Variants in SLC47A1 observed in about 807,000 individuals in gnomAD.
SLC47A1 encodes the protein solute carrier family 47 member 1.
In SLC47A1, 58 loss-of-function variants were observed where a neutral mutation model predicts 65.8. The ratio of observed to expected loss-of-function variants is 0.88; its 90% confidence interval spans 0.71 to 1.10. The LOEUF is 1.10. SLC47A1 is among the 50% of genes least tolerant of loss of function. The pLI is 0.00. For synonymous variants in SLC47A1, 285 were observed against 295.0 expected (o/e 0.97, Z 0.35); for missense variants, 706 against 719.2 (o/e 0.98, Z 0.21).
chr17:19,575,170 A>G (rs1273323674), intron 16 of SLC47A1, among the ~76,000 whole-genome samples: 1 of 148,876 alleles, frequency 6.7e-6, no homozygotes, highest in Non-Finnish European at 1.5e-5. Context: ...TCCTGGGCTC[A>G]AGCAACCTGC....
intron 3 of SLC47A1, among the ~76,000 whole-genome samples, chr17:19,547,544 A>G: frequency 6.6e-6 from 1 of 151,896 alleles, no homozygotes; most frequent in East Asian, 1.9e-4. Flanking sequence ...TTTTAAAAAA[A>G]GGTACGGATC....
Position 19,577,850 on chromosome 17 carries a change from T to A in SLC47A1, c.*297T>A. 5 of 1,270,438 alleles carry A rather than the reference T, an allele frequency of 3.9e-6. No individual in the cohort carries two copies. The South Asian group carries it at 7.7e-5, about 20-fold the overall frequency. 78.7% of individuals were successfully genotyped at this position (1,270,438 alleles called of 1,614,324 possible). On this transcript the variant is annotated 3_prime_UTR_variant, in exon 17 of 17. Transcript: ENST00000270570. ...CCAATGGCTTTGATACTTCTGCTAT[T>A]TTTTTAGACACAAACCCATAAACTA... is the stretch of plus-strand genomic sequence containing the variant.
chr17:19,578,324 G>A lies in SLC47A1; in HGVS notation c.*771G>A. 3.8e-6 allele frequency: 1 copy of A among 266,218 alleles called. No individual in the cohort carries two copies. The highest frequency in any genetic ancestry group is 3.4e-5 in the South Asian group (1 of 29,838). The allele number at this position is 266,218 out of a possible 1,614,324, so 16.5% of individuals were successfully genotyped here. A position where few individuals can be genotyped will look rare whatever the true frequency, so the allele number is the denominator to read the frequency against. Reference sequence around the variant, plus strand: ...GGGCTCAAGTGATCCTCCCACCTCAGCCTCCTGAGTAGCTGAGACCACAGG... The same window carrying A: ...GGGCTCAAGTGATCCTCCCACCTCAACCTCCTGAGTAGCTGAGACCACAGG... On this transcript the variant is annotated 3_prime_UTR_variant, in exon 17 of 17. Coordinates refer to ENST00000270570, the MANE Select transcript of SLC47A1 (RefSeq NM_018242.3).
At chr17:19,536,880 C>G (rs569663185) in intron 1 of SLC47A1, among the ~76,000 whole-genome samples, 2 of 152,368 alleles carry the variant, frequency 1.3e-5, no homozygotes, top group East Asian at 3.9e-4. Context: ...TGAGGTCTCA[C>G]TGGGCTTTAA....
Position 19,550,858 on chromosome 17 carries a change from C to T in SLC47A1, c.499-566C>T, listed in dbSNP as rs561231551. Among the ~76,000 whole-genome samples, 102 of 152,278 alleles carry T rather than the reference C, an allele frequency of 6.7e-4. 1 individual carries two copies. The South Asian group carries it at 0.02, about 29-fold the overall frequency. On this transcript the variant is annotated intron_variant, in intron 5 of 16. Transcript: ENST00000270570. Reference sequence around the variant, plus strand: ...CTGTGCATTCATCCCCCGGTATCCCCTGTCTTCTTATGAGGACACGAGTCC... The same window carrying T: ...CTGTGCATTCATCCCCCGGTATCCCTTGTCTTCTTATGAGGACACGAGTCC...
intron 10 of SLC47A1, among the ~76,000 whole-genome samples, chr17:19,558,446 T>A (rs903539568): frequency 4.1e-4 from 62 of 151,522 alleles, no homozygotes; most frequent in Non-Finnish European, 5.9e-5. Context: ...TTTTTACTTG[T>A]TGGTGGTTGT....
At chr17:19,570,201 G>T (rs912888108) in intron 14 of SLC47A1, among the ~76,000 whole-genome samples, 1 of 152,210 alleles carries the variant, frequency 6.6e-6, no homozygotes, top group East Asian at 1.9e-4. Flanking sequence ...AACCTGTACC[G>T]AATCCATAAA....
At chr17:19,570,243 AC>A (rs772775539) in intron 14 of SLC47A1, among the ~76,000 whole-genome samples, 17 of 152,244 alleles carry the variant, frequency 1.1e-4, no homozygotes, top group Admixed American at 2.0e-4. Flanking sequence ...CTTAACCCTT[AC>A]ATAGATCTGG....
chr17:19,563,340 G>A (rs1164908991), intron 12 of SLC47A1, among the ~76,000 whole-genome samples: 2 of 151,754 alleles, frequency 1.3e-5, no homozygotes, highest in Non-Finnish European at 2.9e-5. Flanking sequence ...CACCGTGTTA[G>A]CCAGGATGGT....
intron 5 of SLC47A1, 65 bp downstream of exon 5, chr17:19,549,742 C>T (rs1422715777): frequency 6.5e-7 from 1 of 1,535,164 alleles, no homozygotes; most frequent in Non-Finnish European, 9.0e-7. Flanking sequence ...GCCACCATAT[C>T]TGTGAGCTCA....
chr17:19,550,732 G>A (rs974493719), intron 5 of SLC47A1, among the ~76,000 whole-genome samples: 9 of 152,186 alleles, frequency 5.9e-5, no homozygotes, highest in Admixed American at 5.2e-4. Context: ...TTTTCTTACA[G>A]TTCAGGAAGC....
chr17:19,572,867 A>C lies in SLC47A1; in HGVS notation c.1486+6A>C. 1 of 1,613,904 alleles carries C rather than the reference A, an allele frequency of 6.2e-7. No homozygotes were observed. The highest frequency in any genetic ancestry group is 8.5e-7 in the Non-Finnish European group (1 of 1,179,824). On this transcript the variant is annotated splice_donor_region_variant and intron_variant, in intron 16 of 16. Transcript: ENST00000270570. ...TCAGGATCCGCTTCACCCAGGTAAGATATGACTCCCTCAGCCCTTGGACAG... is the reference window on the plus strand; with the variant it reads ...TCAGGATCCGCTTCACCCAGGTAAGCTATGACTCCCTCAGCCCTTGGACAG...
Position 19,533,874 on chromosome 17 carries a change from T to TGCCGGCCTGCGCGGCACC in SLC47A1, c.-66_-65insGCCGGCCTGCGCGGCACC. On this transcript the variant is annotated 5_prime_UTR_variant, in exon 1 of 17. Coordinates refer to ENST00000270570, the MANE Select transcript of SLC47A1 (RefSeq NM_018242.3). ...TACCCACTGCCGGCCTGCGCGGTACTCACTGCCGGCCTCCGCGGTACCCAC... is the reference window on the plus strand; with the variant it reads ...TACCCACTGCCGGCCTGCGCGGTACTGCCGGCCTGCGCGGCACCCACTGCCGGCCTCCGCGGTACCCAC... 7.2e-7 allele frequency: 1 copy of TGCCGGCCTGCGCGGCACC among 1,380,840 alleles called. No individual in the cohort carries two copies. 85.5% of individuals were successfully genotyped at this position (1,380,840 alleles called of 1,614,324 possible).
At chr17:19,549,566 T>C (rs1916388076) in intron 4 of SLC47A1, 69 bp from the exon 5 acceptor site, 11 of 1,485,104 alleles carry the variant, frequency 7.4e-6, no homozygotes, top group Non-Finnish European at 9.4e-6. Context: ...TATTTTCTTC[T>C]GCCTAACTTT....
intron 10 of SLC47A1, 199 bp from the exon 11 acceptor site, chr17:19,559,989 T>C: frequency 3.6e-6 from 2 of 557,748 alleles, no homozygotes; most frequent in Admixed American, 6.6e-5. Flanking sequence ...CAGTTTGTGC[T>C]AAGCATCGTA....
chr17:19,561,273 A>G (rs949674098), intron 12 of SLC47A1, among the ~76,000 whole-genome samples: 3 of 151,796 alleles, frequency 2.0e-5, no homozygotes, highest in African/African-American at 7.3e-5. Context: ...TTTAAAAAAG[A>G]AATGGTTAAA....
At chr17:19,576,386 C>G (rs1168557154) in intron 16 of SLC47A1, among the ~76,000 whole-genome samples, 2 of 138,724 alleles carry the variant, frequency 1.4e-5, no homozygotes, top group Admixed American at 1.6e-4. Context: ...GGGTCTCTCT[C>G]TGTCACTCAG....
rs1382103693 is a variant in SLC47A1, at chr17:19,577,854, T to C, written c.*301T>C. 7.9e-7 allele frequency: 1 copy of C among 1,265,200 alleles called. No homozygotes were observed. Among genetic ancestry groups the C allele is most frequent in the African/African-American group, 1.5e-5 (1 of 65,406 alleles). The allele number at this position is 1,265,200 out of a possible 1,614,324, so 78.4% of individuals were successfully genotyped here. Reference sequence around the variant, plus strand: ...TGGCTTTGATACTTCTGCTATTTTTTTAGACACAAACCCATAAACTAACTG... The same window carrying C: ...TGGCTTTGATACTTCTGCTATTTTTCTAGACACAAACCCATAAACTAACTG... On this transcript the variant is annotated 3_prime_UTR_variant, in exon 17 of 17. Coordinates refer to ENST00000270570, the MANE Select transcript of SLC47A1 (RefSeq NM_018242.3).
intron 1 of SLC47A1, among the ~76,000 whole-genome samples, chr17:19,539,934 T>A (rs1305475926): frequency 6.6e-6 from 1 of 152,096 alleles, no homozygotes; most frequent in Admixed American, 6.6e-5. Flanking sequence ...CAAGCCAAGA[T>A]CCCTGGCACG....
Sources: gnomAD v4.1 joint callset for allele counts (sites outside exome capture counted in the v4.1 genomes callset) on GRCh38, gnomAD v4.1.1 for gene constraint, MANE v1.5 for transcripts, NCBI Gene and HGNC (gene_info 2026-07-23, HGNC 2026-07-21) for gene names.